Variants in PNPLA4 observed in about 807,000 individuals in gnomAD.
PNPLA4 encodes patatin like domain 4, phospholipase and triacylglycerol lipase, also known as patatin-like phospholipase domain-containing protein 4.
PNPLA4 carries 15 observed loss-of-function variants against 18.3 expected under a neutral mutation model. The ratio of observed to expected loss-of-function variants is 0.82; its 90% CI spans 0.55 to 1.26. The LOEUF (loss-of-function observed/expected upper bound fraction) is 1.26. Ranked by LOEUF, PNPLA4 falls within the 50% of genes most tolerant of loss-of-function variation. The probability of loss-of-function intolerance (pLI) is 0.00; values close to 1 mark genes in which losing one functional copy is unlikely to be tolerated. For synonymous variants in PNPLA4, 88 were observed against 85.6 expected (o/e 1.03, Z -0.16); for missense variants, 229 against 196.8 (o/e 1.16, Z -0.98).
At chrX:7,926,497 G>A (rs1473899023) in intron 1 of PNPLA4, among the ~76,000 whole-genome samples, 1 of 111,638 alleles carries the variant, frequency 9.0e-6, no homozygotes, top group African/African-American at 3.3e-5. Context: ...GGGTGGGGGC[G>A]GCACTACCAT....
At chrX:7,924,165 GA>G (rs773664603) in intron 2 of PNPLA4, among the ~76,000 whole-genome samples, 1 of 112,059 alleles carries the variant, frequency 8.9e-6, no homozygotes, top group East Asian at 2.8e-4. Context: ...GAGGGCTGAG[GA>G]AAGTCTTGCA....
At chrX:7,908,909 A>T (rs1363302333) in intron 5 of PNPLA4, among the ~76,000 whole-genome samples, 1 of 111,371 alleles carries the variant, frequency 9.0e-6, no homozygotes, top group South Asian at 3.8e-4. Context: ...CTGTCACTCT[A>T]TGTCCATGTC....
chrX:7,915,034 G>C (rs1444157964), intron 4 of PNPLA4, among the ~76,000 whole-genome samples: 2 of 111,950 alleles, frequency 1.8e-5, no homozygotes, highest in African/African-American at 6.5e-5. Flanking sequence ...TAAGAGCTAA[G>C]CAGCTTTTCT....
At chrX:7,924,541 C>T (rs1264032098) in intron 2 of PNPLA4, among the ~76,000 whole-genome samples, 1 of 111,707 alleles carries the variant, frequency 9.0e-6, no homozygotes, top group Non-Finnish European at 1.9e-5. Flanking sequence ...TTCTACCTTC[C>T]CATGGGAGCA....
At chrX:7,917,600 C>T (rs1924084212) in intron 4 of PNPLA4, among the ~76,000 whole-genome samples, 1 of 111,849 alleles carries the variant, frequency 8.9e-6, no homozygotes, top group African/African-American at 3.3e-5. Context: ...AGGGCTTTAT[C>T]ATTTAAAACA....
Position 7,899,886 on chromosome X carries a change from C to T in PNPLA4, c.*800G>A, listed in dbSNP as rs1363193264. 9.0e-6 allele frequency: 1 copy of T among 111,684 alleles called. No homozygotes were observed. The highest frequency in any genetic ancestry group is 9.5e-5 in the Admixed American group (1 of 10,567). 9.2% of individuals were successfully genotyped at this position (111,684 alleles called of 1,213,427 possible). A position where few individuals can be genotyped will look rare whatever the true frequency, so the allele number is the denominator to read the frequency against. On this transcript the variant is annotated 3_prime_UTR_variant, in exon 7 of 7. Coordinates refer to ENST00000381042, the MANE Select transcript of PNPLA4 (RefSeq NM_004650.3). ...AAATCTCATCTTGAAGTGTATGTAG[C>T]TCCCACAATTGCCACACGTTGTGGG... is the stretch of plus-strand genomic sequence containing the variant.
chrX:7,915,940 A>G (rs1393249318), intron 4 of PNPLA4, among the ~76,000 whole-genome samples: 1 of 112,160 alleles, frequency 8.9e-6, no homozygotes, highest in Non-Finnish European at 1.9e-5. Context: ...ATTCTCACAC[A>G]TGCAAAGAAA....
intron 5 of PNPLA4, among the ~76,000 whole-genome samples, chrX:7,905,209 T>C (rs1184781129): frequency 8.9e-6 from 1 of 112,692 alleles, no homozygotes; most frequent in Non-Finnish European, 1.9e-5. Flanking sequence ...CACTGAAAAC[T>C]GGAATTAATA....
At chrX:7,911,606 T>G (rs1228625739) in intron 5 of PNPLA4, among the ~76,000 whole-genome samples, 4 of 110,800 alleles carry the variant, frequency 3.6e-5, no homozygotes, top group Non-Finnish European at 7.6e-5. Context: ...GAGTGGGTCG[T>G]CCCCTAGCAG....
intron 2 of PNPLA4, among the ~76,000 whole-genome samples, chrX:7,922,557 G>C (rs1171956103): frequency 8.9e-6 from 1 of 112,061 alleles, no homozygotes; most frequent in Non-Finnish European, 1.9e-5. Context: ...CTGAATCAGA[G>C]TCTTCGGAGA....
At chrX:7,921,908 TTTTA>T in intron 3 of PNPLA4, 60 bp from the exon 4 acceptor site, 1 of 1,129,659 alleles carries the variant, frequency 8.9e-7, no homozygotes, top group Non-Finnish European at 1.2e-6. Flanking sequence ...CCTGTAAATA[TTTTA>T]CAAGAGAGAA....
chrX:7,898,555 C>G lies in PNPLA4; in HGVS notation c.*2131G>C, dbSNP rs1389678276. ...CTCACAGGAGAATTTGGTGCACCAG[C>G]CCCGGAGAGCGCCTAGTGTGCACCA... On this transcript the variant is annotated 3_prime_UTR_variant, in exon 7 of 7. Coordinates refer to ENST00000381042, the MANE Select transcript of PNPLA4 (RefSeq NM_004650.3). The G allele has an allele frequency of 9.0e-6, 1 of 111,658 alleles. No homozygotes were observed. The highest frequency in any genetic ancestry group is 3.3e-5 in the African/African-American group (1 of 30,693). 9.2% of individuals were successfully genotyped at this position (111,658 alleles called of 1,213,427 possible).
rs757352041 is a variant in PNPLA4, at chrX:7,921,737, A to AAAAGTGGAGACT, written c.375_386dup (p.Leu125_Thr128dup). The AAAAGTGGAGACT allele has an allele frequency of 1.7e-6, 2 of 1,209,795 alleles. No homozygotes were observed. Among genetic ancestry groups the AAAAGTGGAGACT allele is most frequent in the East Asian group, 3.0e-5 (1 of 33,827 alleles). Reference sequence around the variant, plus strand: ...CCTTAATGAGGTCCTCCCTGGAGGAAAAAGTGGAGACTAAGTGATTTTCTC... The same window carrying AAAAGTGGAGACT: ...CCTTAATGAGGTCCTCCCTGGAGGAAAAAGTGGAGACTAAAGTGGAGACTAAGTGATTTTCTC... On this transcript the variant is annotated inframe_insertion, in exon 4 of 7. Transcript: ENST00000381042.
rs900553318 is a variant in PNPLA4 at position 7,926,043 on chromosome X, C to T, written c.77G>A (p.Cys26Tyr). 2.3e-5 allele frequency: 28 copies of T among 1,211,218 alleles called. No homozygotes were observed. The highest frequency in any genetic ancestry group is 4.7e-4 in the Middle Eastern group (2 of 4,240). ...IYHLGAASAL[C>Y]RHGKKLVKDV... is the part of the protein sequence containing the mutation. The stretch of plus-strand genomic sequence containing the variant: ...CTTCACAAGTTTTTTGCCATGTCTG[C>T]AAAGTGCAGATGCTGCCCCCAAGTG... Residue 26 changes from cysteine to tyrosine, a missense_variant, in exon 2 of 7, where the codon TGC (cysteine) becomes TAC (tyrosine). Transcript: ENST00000381042.
chrX:7,919,001 C>T (rs1924131341), intron 4 of PNPLA4, among the ~76,000 whole-genome samples: 1 of 112,168 alleles, frequency 8.9e-6, no homozygotes, highest in South Asian at 3.6e-4. Flanking sequence ...AATGTTAAAA[C>T]ATCCTCCTAA....
At chrX:7,915,479 G>C (rs1255035536) in intron 4 of PNPLA4, among the ~76,000 whole-genome samples, 1 of 111,424 alleles carries the variant, frequency 9.0e-6, no homozygotes, top group African/African-American at 3.3e-5. Flanking sequence ...TGGAAAGCAG[G>C]GGTATACTTT....
chrX:7,905,727 G>A (rs1313907862), intron 5 of PNPLA4, among the ~76,000 whole-genome samples: 1 of 112,229 alleles, frequency 8.9e-6, no homozygotes, highest in Non-Finnish European at 1.9e-5. Flanking sequence ...GTTCCCTCAT[G>A]TTACAGAAGA....
intron 4 of PNPLA4, 22 bp from the exon 5 acceptor site, chrX:7,912,115 G>T (rs1471502779): frequency 1.8e-6 from 2 of 1,134,738 alleles, no homozygotes; most frequent in Non-Finnish European, 1.2e-6. Context: ...AAATAAAGAA[G>T]CAGCTCATGA....
chrX:7,905,097 G>A (rs1279207088), intron 5 of PNPLA4, among the ~76,000 whole-genome samples: 1 of 112,112 alleles, frequency 8.9e-6, no homozygotes, highest in African/African-American at 3.2e-5. Flanking sequence ...CTAAGACATA[G>A]AAATAAGCAA....
Sources: allele counts gnomAD v4.1 joint callset (sites outside exome capture counted in the v4.1 genomes callset), GRCh38; gene constraint gnomAD v4.1.1; transcripts MANE v1.5; gene names NCBI Gene and HGNC (gene_info 2026-07-23, HGNC 2026-07-21).